Variants in PRPF18 observed in about 807,000 individuals in gnomAD.
The protein encoded by PRPF18 is pre-mRNA-splicing factor 18.
In PRPF18, 38 loss-of-function variants were observed where a neutral mutation model predicts 46.5. The observed-to-expected ratio is 0.82, with a 90% CI of 0.63 to 1.07. The LOEUF is 1.07. Among genes scored for constraint, PRPF18 ranks in the 50% least tolerant of loss-of-function variants. PRPF18 has a pLI of 0.00. For missense variants in PRPF18, 263 were observed against 410.0 expected, an observed-to-expected ratio of 0.64 and a Z score of 3.10; for synonymous variants, 152 against 146.7, an observed-to-expected ratio of 1.04 and a Z score of -0.26.
chr10:13,617,960 C>T (rs2080369895), intron 9 of PRPF18, among the ~76,000 whole-genome samples: 1 of 152,140 alleles, frequency 6.6e-6, no homozygotes, highest in Non-Finnish European at 1.5e-5. Context: ...TAGGGCAAAT[C>T]AGGCTGGACT....
intron 4 of PRPF18, among the ~76,000 whole-genome samples, chr10:13,609,717 C>G (rs115228226): frequency 6.6e-6 from 1 of 152,204 alleles, no homozygotes. Context: ...AGACCTGCCA[C>G]TGTCACTAAG....
At chr10:13,633,951 A>G (rs909258050), downstream of PRPF18, among the ~76,000 whole-genome samples, 1 of 152,240 alleles carries the variant, frequency 6.6e-6, no homozygotes, top group African/African-American at 2.4e-5. Flanking sequence ...CAGACTCTGC[A>G]GTTCCATTGG....
intron 9 of PRPF18, among the ~76,000 whole-genome samples, chr10:13,626,206 C>G (rs979902107): frequency 6.6e-6 from 1 of 152,158 alleles, no homozygotes; most frequent in East Asian, 1.9e-4. Flanking sequence ...CAGGCTGGAG[C>G]TGCAGGGATG....
At chr10:13,646,969 G>A in the PRPF18 span, 12 of 983,960 alleles carry the variant, frequency 1.2e-5, no homozygotes, top group African/African-American at 1.4e-4. Flanking sequence ...TTTCCTGCCC[G>A]TACCACTGGA....
At chr10:13,601,908 C>T (rs946775185) in intron 3 of PRPF18, among the ~76,000 whole-genome samples, 1 of 152,178 alleles carries the variant, frequency 6.6e-6, no homozygotes, top group African/African-American at 2.4e-5. Flanking sequence ...TAGATTACTT[C>T]CAGTTGTTTG....
chr10:13,653,153 G>A, the PRPF18 span: 2 of 151,958 alleles, frequency 1.3e-5, no homozygotes, highest in African/African-American at 4.8e-5. Flanking sequence ...CACTCAGTAA[G>A]TGTTAGGACC....
At chr10:13,605,881 T>C in intron 4 of PRPF18, 137 bp downstream of exon 4, 1 of 1,258,084 alleles carries the variant, frequency 7.9e-7, no homozygotes, top group Non-Finnish European at 1.0e-6. Flanking sequence ...AAGTTTTCAT[T>C]AATTTTTTGA....
At chr10:13,637,391 G>A in the PRPF18 span, among the ~76,000 whole-genome samples, 5 of 151,886 alleles carry the variant, frequency 3.3e-5, no homozygotes, top group Admixed American at 6.5e-5. Flanking sequence ...ATGGTATCAC[G>A]TTGTGGCTTT....
rs149092256 is a variant in PRPF18 at position 13,598,897 on chromosome 10, G to A, written c.145-1347G>A. ...GGTAGGAAAGTAACTTAATATAGTGGCAGTTTTTGCTTTTGTTTAGTGTGT... is the reference window on the plus strand; with the variant it reads ...GGTAGGAAAGTAACTTAATATAGTGACAGTTTTTGCTTTTGTTTAGTGTGT... On this transcript the variant is annotated intron_variant, in intron 2 of 9. Transcript: ENST00000378572. 2.7e-3 allele frequency among the ~76,000 whole-genome samples: 417 copies of A among 152,168 alleles called. 4 individuals are homozygous for A. Among genetic ancestry groups the A allele is most frequent in the Middle Eastern group, 0.01 (3 of 294 alleles).
At chr10:13,654,658 C>A in the PRPF18 span, 1 of 616,028 alleles carries the variant, frequency 1.6e-6, no homozygotes, top group Non-Finnish European at 2.9e-6. Flanking sequence ...AGCAGGGTCT[C>A]AGCATCCCTA....
At chr10:13,629,254 CA>C (rs1446483417) in intron 9 of PRPF18, among the ~76,000 whole-genome samples, 7 of 152,056 alleles carry the variant, frequency 4.6e-5, no homozygotes, top group African/African-American at 1.4e-4. Context: ...TTACAGTTGC[CA>C]AGATACAGAA....
chr10:13,620,207 C>T (rs2080402853), intron 9 of PRPF18, among the ~76,000 whole-genome samples: 1 of 152,158 alleles, frequency 6.6e-6, no homozygotes, highest in African/African-American at 2.4e-5. Flanking sequence ...TTCTTGCCAT[C>T]TCTAACTACT....
intron 8 of PRPF18, 75 bp downstream of exon 8, chr10:13,614,161 G>T: frequency 8.7e-7 from 1 of 1,143,368 alleles, no homozygotes; most frequent in Middle Eastern, 2.8e-4. Context: ...GTTCATTTGG[G>T]ATAGGAGGAT....
the PRPF18 span, chr10:13,649,682 G>A: frequency 6.6e-6 from 1 of 152,174 alleles, no homozygotes; most frequent in Non-Finnish European, 1.5e-5. Context: ...TTCATGTATT[G>A]GTCTTTTATT....
At chr10:13,653,452 A>G in the PRPF18 span, 4 of 152,342 alleles carry the variant, frequency 2.6e-5, no homozygotes, top group Non-Finnish European at 5.9e-5. Context: ...GTGAGCTGAT[A>G]TCGCACCACT....
At chr10:13,648,601 G>T in the PRPF18 span, 1 of 152,262 alleles carries the variant, frequency 6.6e-6, no homozygotes, top group Middle Eastern at 3.4e-3. Context: ...AAACCACAAG[G>T]ATGTCATTTC....
At chr10:13,614,540 T>C (rs1403747138) in intron 8 of PRPF18, among the ~76,000 whole-genome samples, 1 of 152,204 alleles carries the variant, frequency 6.6e-6, no homozygotes, top group Non-Finnish European at 1.5e-5. Context: ...ATTTAACCAC[T>C]CTTTGTAATT....
chr10:13,614,726 A>G (rs536349648), intron 8 of PRPF18, among the ~76,000 whole-genome samples: 27 of 152,208 alleles, frequency 1.8e-4, no homozygotes, highest in African/African-American at 6.0e-4. Flanking sequence ...TCCCTGAGAT[A>G]GAGTTTAGAA....
chr10:13,629,407 A>T (rs1255179441), intron 9 of PRPF18, among the ~76,000 whole-genome samples: 2 of 152,250 alleles, frequency 1.3e-5, no homozygotes, highest in Non-Finnish European at 2.9e-5. Flanking sequence ...TACATGTAAA[A>T]CACAAGTTAT....
Sources: gnomAD v4.1 joint callset for allele counts (sites outside exome capture counted in the v4.1 genomes callset) on GRCh38, gnomAD v4.1.1 for gene constraint, MANE v1.5 for transcripts, NCBI Gene and HGNC (gene_info 2026-07-23, HGNC 2026-07-21) for gene names.